The following NCOA2 variants were observed in gnomAD, a reference collection of about 807,000 sequenced individuals.
The protein encoded by NCOA2 is nuclear receptor coactivator 2.
A neutral mutation model predicts 145.1 loss-of-function variants in NCOA2; 21 were observed. The observed-to-expected ratio is 0.14, with a 90% CI of 0.10 to 0.21. The LOEUF is 0.21. NCOA2 is among the 10% of genes least tolerant of loss of function. The probability of loss-of-function intolerance (pLI) is 1.00; values close to 1 mark genes in which losing one functional copy is unlikely to be tolerated. For missense variants in NCOA2, 1,472 were observed against 1,837.6 expected (o/e 0.80, Z 3.64); for synonymous variants, 619 against 637.5 (o/e 0.97, Z 0.44).
intron 1 of NCOA2, among the ~76,000 whole-genome samples, chr8:70,378,743 T>TAAAAAAAAAAAAA (rs10672044): frequency 9.1e-6 from 1 of 109,876 alleles, no homozygotes; most frequent in Non-Finnish European, 1.9e-5. Context: ...TAGGCTATGC[T>TAAAAAAAAAAAAA]AAAAAAAAAA....
intron 7 of NCOA2, among the ~76,000 whole-genome samples, 165 bp downstream of exon 7, chr8:70,166,401 G>A (rs1015406469): frequency 6.6e-6 from 1 of 152,218 alleles, no homozygotes; most frequent in African/African-American, 2.4e-5. Flanking sequence ...GTTGGACAGT[G>A]CTGTTCTGAA....
chr8:70,172,065 T>A (rs1814316037), intron 5 of NCOA2, among the ~76,000 whole-genome samples: 1 of 152,170 alleles, frequency 6.6e-6, no homozygotes, highest in African/African-American at 2.4e-5. Context: ...GTCCAAGTGA[T>A]CCTCCTTGTC....
At chr8:70,434,990 A>G in the NCOA2 span, among the ~76,000 whole-genome samples, 1 of 152,006 alleles carries the variant, frequency 6.6e-6, no homozygotes, top group African/African-American at 2.4e-5. Flanking sequence ...TTCTTAACCA[A>G]TCTCTCCTTC....
intron 1 of NCOA2, 47 bp downstream of exon 1, chr8:70,403,653 G>GC: frequency 2.8e-6 from 1 of 362,054 alleles, no homozygotes; most frequent in Non-Finnish European, 4.9e-6. Context: ...CCCGCCTGCC[G>GC]CCCGCCCCCC....
chr8:70,176,806 T>G (rs966192002), intron 4 of NCOA2, among the ~76,000 whole-genome samples: 2 of 150,410 alleles, frequency 1.3e-5, no homozygotes, highest in Non-Finnish European at 3.0e-5. Flanking sequence ...TGCTGGATTT[T>G]CCTTGAGCAC....
At chr8:70,204,973 A>G (rs546431067) in intron 4 of NCOA2, among the ~76,000 whole-genome samples, 2 of 152,254 alleles carry the variant, frequency 1.3e-5, no homozygotes, top group East Asian at 3.9e-4. Context: ...GTACCATTGC[A>G]CTCTGGCCCG....
Position 70,299,090 on chromosome 8 carries a change from A to C in NCOA2, c.-76-2290T>G, listed in dbSNP as rs193200814. On this transcript the variant is annotated intron_variant, in intron 1 of 22. Coordinates refer to ENST00000452400, the MANE Select transcript of NCOA2 (RefSeq NM_006540.4). ...ACAAACAAACAAACAAACAAAAAAA[A>C]CCAGAAAGATGTTTAGGAGATATAA... 1.9e-3 allele frequency among the ~76,000 whole-genome samples: 287 copies of C among 152,208 alleles called. 2 individuals carry two copies. The highest frequency in any genetic ancestry group is 6.3e-3 in the African/African-American group (260 of 41,528).
At chr8:70,331,220 A>G (rs1807068044) in intron 1 of NCOA2, among the ~76,000 whole-genome samples, 1 of 152,202 alleles carries the variant, frequency 6.6e-6, no homozygotes, top group South Asian at 2.1e-4. Flanking sequence ...CCTGCTAATC[A>G]TTTCTGGCAC....
At chr8:70,262,167 C>G (rs1029085829) in intron 2 of NCOA2, among the ~76,000 whole-genome samples, 1 of 152,102 alleles carries the variant, frequency 6.6e-6, no homozygotes, top group Non-Finnish European at 1.5e-5. Context: ...AAGTGCTAAG[C>G]CTAATGGTAA....
At chr8:70,352,606 C>T (rs1314620578) in intron 1 of NCOA2, among the ~76,000 whole-genome samples, 1 of 152,134 alleles carries the variant, frequency 6.6e-6, no homozygotes, top group East Asian at 1.9e-4. Flanking sequence ...CTTGAATGTT[C>T]TATGAGCTGT....
chr8:70,261,525 GGC>G, intron 2 of NCOA2, among the ~76,000 whole-genome samples: 1 of 152,006 alleles, frequency 6.6e-6, no homozygotes. Flanking sequence ...ACACCAGCAT[GGC>G]ACATGTATAC....
intron 1 of NCOA2, among the ~76,000 whole-genome samples, chr8:70,299,045 G>C (rs1024764200): frequency 2.0e-5 from 3 of 151,972 alleles, no homozygotes; most frequent in African/African-American, 7.3e-5. Flanking sequence ...GGGCGACAGA[G>C]GGAGACTCCA....
the NCOA2 span, among the ~76,000 whole-genome samples, chr8:70,448,958 C>T: frequency 6.6e-6 from 1 of 151,986 alleles, no homozygotes; most frequent in Admixed American, 6.6e-5. Context: ...TGCCGCACCA[C>T]CATGCTCAGC....
intron 1 of NCOA2, among the ~76,000 whole-genome samples, chr8:70,350,211 T>C (rs1232453987): frequency 6.6e-6 from 1 of 152,160 alleles, no homozygotes; most frequent in Non-Finnish European, 1.5e-5. Flanking sequence ...TAGCACAGTA[T>C]CCATAATCAT....
At chr8:70,157,457 T>C (rs1451521052) in intron 10 of NCOA2, among the ~76,000 whole-genome samples, 1 of 152,240 alleles carries the variant, frequency 6.6e-6, no homozygotes, top group Non-Finnish European at 1.5e-5. Flanking sequence ...CTCATTAAGA[T>C]GTCTGGTTTT....
chr8:70,328,246 A>C (rs1806771498), intron 1 of NCOA2, among the ~76,000 whole-genome samples: 1 of 152,208 alleles, frequency 6.6e-6, no homozygotes, highest in African/African-American at 2.4e-5. Context: ...AAACCATCGA[A>C]TGAATACAAT....
intron 21 of NCOA2, among the ~76,000 whole-genome samples, chr8:70,121,999 T>C (rs1309505066): frequency 1.3e-5 from 2 of 152,312 alleles, no homozygotes; most frequent in Admixed American, 6.5e-5. Context: ...ATTCAAATGG[T>C]TTAAAATCAT....
chr8:70,358,274 A>G (rs1319680062), intron 1 of NCOA2, among the ~76,000 whole-genome samples: 2 of 152,236 alleles, frequency 1.3e-5, no homozygotes, highest in African/African-American at 2.4e-5. Context: ...CCTCAAATTC[A>G]TATGAAAATA....
At chr8:70,386,211 G>A (rs1812649309) in intron 1 of NCOA2, among the ~76,000 whole-genome samples, 1 of 152,184 alleles carries the variant, frequency 6.6e-6, no homozygotes, top group Admixed American at 6.5e-5. Context: ...CAGATTTCTA[G>A]ATGCATCCAT....
Sources: allele counts gnomAD v4.1 joint callset (sites outside exome capture counted in the v4.1 genomes callset), GRCh38; gene constraint gnomAD v4.1.1; transcripts MANE v1.5; gene names NCBI Gene and HGNC (gene_info 2026-07-23, HGNC 2026-07-21).